ASS1: variants seen among roughly 807,000 people sequenced by gnomAD.
ASS1 encodes argininosuccinate synthase 1.
A neutral mutation model predicts 60.5 loss-of-function variants in ASS1; 58 were observed. The observed-to-expected ratio is 0.96, with a 90% CI of 0.78 to 1.19. ASS1 has a LOEUF of 1.19. Ranked by LOEUF, ASS1 falls within the 50% of genes most tolerant of loss-of-function variation. The pLI is 0.00. For synonymous variants in ASS1, 200 were observed against 206.9 expected (o/e 0.97, Z 0.29); for missense variants, 454 against 547.3 (o/e 0.83, Z 1.70).
intron 13 of ASS1, among the ~76,000 whole-genome samples, chr9:130,498,782 G>T (rs1588512229): frequency 6.6e-6 from 1 of 152,312 alleles, no homozygotes; most frequent in Non-Finnish European, 1.5e-5. Context: ...CAGTCAGCTG[G>T]CTGGAGTGAC....
chr9:130,455,115 A>G lies in ASS1; in HGVS notation c.174+742A>G, dbSNP rs1250988257. 3.4e-5 allele frequency among the ~76,000 whole-genome samples: 5 copies of G among 145,574 alleles called. No homozygotes were observed. The South Asian group carries it at 6.6e-4, about 19-fold the overall frequency. ...CCAGCCATCATCCGTCTATCCATCC[A>G]TCATCCATTTATTCATCCATCATCC... is the stretch of plus-strand genomic sequence containing the variant. On this transcript the variant is annotated intron_variant, in intron 3 of 14. Transcript: ENST00000352480.
chr9:130,463,457 G>A (rs1165068533), intron 4 of ASS1, among the ~76,000 whole-genome samples: 1 of 152,212 alleles, frequency 6.6e-6, no homozygotes, highest in African/African-American at 2.4e-5. Context: ...CCGAGGGGGT[G>A]GCTGTGGTGC....
At chr9:130,466,853 G>A (rs1043890290) in intron 6 of ASS1, 54 bp downstream of exon 6, 8 of 1,583,996 alleles carry the variant, frequency 5.1e-6, no homozygotes, top group Non-Finnish European at 6.9e-6. Flanking sequence ...CCCCTTCCCG[G>A]GCACGTCCCT....
intron 12 of ASS1, among the ~76,000 whole-genome samples, chr9:130,490,940 C>A (rs1846433906): frequency 6.6e-6 from 1 of 152,184 alleles, no homozygotes; most frequent in African/African-American, 2.4e-5. Context: ...CCGATCCTCA[C>A]ATCTTCGGGG....
chr9:130,486,267 A>AT (rs1163955112), intron 11 of ASS1, among the ~76,000 whole-genome samples: 1 of 151,892 alleles, frequency 6.6e-6, no homozygotes. Context: ...AATTTTTTTA[A>AT]TTTTTTGGTA....
intron 4 of ASS1, among the ~76,000 whole-genome samples, chr9:130,462,589 G>A (rs541194554): frequency 6.6e-6 from 1 of 152,328 alleles, no homozygotes; most frequent in Admixed American, 6.5e-5. Context: ...GTGCCTGGCT[G>A]GTGAGGCACA....
intron 3 of ASS1, among the ~76,000 whole-genome samples, chr9:130,457,584 C>T (rs549879877): frequency 6.6e-6 from 1 of 152,316 alleles, no homozygotes; most frequent in Admixed American, 6.5e-5. Context: ...CAGTCTTGGC[C>T]TTGTTCCCGT....
intron 14 of ASS1, among the ~76,000 whole-genome samples, chr9:130,500,611 C>T (rs971458934): frequency 5.3e-5 from 8 of 152,072 alleles, no homozygotes; most frequent in African/African-American, 9.7e-5. Context: ...CCTTCCCCTC[C>T]GTCACCTCCA....
chr9:130,450,193 G>A (rs1185718229), intron 1 of ASS1: 1 of 887,270 alleles, frequency 1.1e-6, no homozygotes, highest in East Asian at 1.2e-4. Flanking sequence ...CAGGAGATTG[G>A]GCGGCTGGAA....
intron 12 of ASS1, among the ~76,000 whole-genome samples, chr9:130,492,996 G>T (rs2118874945): frequency 6.6e-6 from 1 of 152,296 alleles, no homozygotes; most frequent in Admixed American, 6.5e-5. Context: ...AGAGATCTCT[G>T]TCCTATCTCT....
At position 130,474,578 on chromosome 9, in the gene ASS1, T is replaced by C. The variant is rs544139475; in HGVS notation, c.598-2293T>C. ...AGCTGGAGATGGGGCTGTGGAGTTG[T>C]GTGGTCACCCCAAGATCCAGTCCAG... On this transcript the variant is annotated intron_variant, in intron 8 of 14. Coordinates refer to ENST00000352480, the MANE Select transcript of ASS1 (RefSeq NM_054012.4). Among the ~76,000 whole-genome samples, 11 of 152,280 alleles carry C rather than the reference T, an allele frequency of 7.2e-5. No homozygotes were observed. In the South Asian group the frequency reaches 2.3e-3, roughly 32 times the overall value.
chr9:130,476,334 A>G lies in ASS1; in HGVS notation c.598-537A>G, dbSNP rs111767821. ...CCAACACGCCCAAGAAAAAATATAC[A>G]TAAAGGTTGATGTGTTTTCAAATGG... On this transcript the variant is annotated intron_variant, in intron 8 of 14. Transcript: ENST00000352480. The surrounding 1 kb of genome is among the most constrained non-coding windows in gnomAD (Gnocchi z 4.9). The G allele has an allele frequency of 2.8e-3, 451 of 160,322 alleles. 2 individuals carry two copies. The highest frequency in any genetic ancestry group is 9.9e-3 in the Middle Eastern group (3 of 302). 9.9% of individuals were successfully genotyped at this position (160,322 alleles called of 1,614,324 possible).
chr9:130,500,873 A>T (rs1846737826), intron 14 of ASS1, 103 bp from the exon 15 acceptor site: 1 of 1,304,158 alleles, frequency 7.7e-7, no homozygotes, highest in South Asian at 1.2e-5. Context: ...ACATCTTAAC[A>T]AACAGCTGCC....
At chr9:130,486,419 C>T (rs1846307805) in intron 11 of ASS1, among the ~76,000 whole-genome samples, 2 of 152,174 alleles carry the variant, frequency 1.3e-5, no homozygotes, top group Admixed American at 1.3e-4. Context: ...TCCCTGTTCT[C>T]CAGGCTGTCT....
intron 3 of ASS1, among the ~76,000 whole-genome samples, chr9:130,457,878 G>A (rs996068365): frequency 6.6e-6 from 1 of 152,198 alleles, no homozygotes; most frequent in African/African-American, 2.4e-5. Context: ...TGATTAGCAG[G>A]CTGGCCGCGG....
rs985977169 is a variant in ASS1, at chr9:130,494,570, TC to T, written c.971-295del. On this transcript the variant is annotated intron_variant, in intron 12 of 14. Transcript: ENST00000352480. The surrounding 1 kb of genome is among the most constrained non-coding windows in gnomAD (Gnocchi z 4.3). ...TCCCCAGTTGCTGGCCTGTGGCACT[TC>T]CTGAATGCCTATGGCATGAAGCAGT... 4.6e-5 allele frequency among the ~76,000 whole-genome samples: 7 copies of T among 152,318 alleles called. No individual in the cohort carries two copies. Among genetic ancestry groups the T allele is most frequent in the Admixed American group, 3.9e-4 (6 of 15,306 alleles).
intron 5 of ASS1, among the ~76,000 whole-genome samples, chr9:130,464,630 T>C (rs1047363212): frequency 1.3e-5 from 2 of 152,158 alleles, no homozygotes; most frequent in Non-Finnish European, 2.9e-5. Flanking sequence ...CACCTGTGCC[T>C]GGTCCCCAGC....
chr9:130,479,160 C>T (rs1402677616), intron 9 of ASS1, among the ~76,000 whole-genome samples: 5 of 151,916 alleles, frequency 3.3e-5, no homozygotes, highest in East Asian at 3.9e-4. Flanking sequence ...GATTCAGGGA[C>T]GCTGCCGACA....
intron 13 of ASS1, 135 bp downstream of exon 13, chr9:130,495,158 G>A: frequency 1.6e-6 from 2 of 1,253,772 alleles, no homozygotes; most frequent in Non-Finnish European, 2.2e-6. Context: ...AGAGGATATA[G>A]ACACCACTAT....
Sources: gnomAD v4.1 joint callset for allele counts (sites outside exome capture counted in the v4.1 genomes callset) on GRCh38, gnomAD v4.1.1 for gene constraint, Gnocchi (gnomAD v3.1) non-coding constraint, MANE v1.5 for transcripts, NCBI Gene and HGNC (gene_info 2026-07-23, HGNC 2026-07-21) for gene names.